The following SPIDR variants were observed in gnomAD, a reference collection of about 807,000 sequenced individuals.
The protein encoded by SPIDR is DNA repair-scaffolding protein.
SPIDR carries 93 observed loss-of-function variants against 104.6 expected under a neutral mutation model. The ratio of observed to expected loss-of-function variants is 0.89; its 90% CI spans 0.75 to 1.06. The LOEUF is 1.06. Ranked by LOEUF, SPIDR falls within the 50% of genes least tolerant of loss-of-function variation. SPIDR has a pLI of 0.00. For missense variants in SPIDR, 1,154 were observed against 1,111.2 expected, an observed-to-expected ratio of 1.04 and a Z score of -0.55; for synonymous variants, 431 against 416.9, an observed-to-expected ratio of 1.03 and a Z score of -0.41.
chr8:47,440,664 G>A, intron 8 of SPIDR, 122 bp downstream of exon 8: 1 of 967,318 alleles, frequency 1.0e-6, no homozygotes, highest in East Asian at 2.6e-5. Context: ...AAGAGAGCCA[G>A]GATTGGACGT....
At chr8:47,381,153 A>G (rs532537975) in intron 5 of SPIDR, among the ~76,000 whole-genome samples, 4 of 152,328 alleles carry the variant, frequency 2.6e-5, no homozygotes, top group African/African-American at 9.6e-5. Flanking sequence ...CTGTGGATAA[A>G]GACTTTGGGT....
At chr8:47,675,688 T>C (rs1440677795) in intron 11 of SPIDR, among the ~76,000 whole-genome samples, 1 of 152,216 alleles carries the variant, frequency 6.6e-6, no homozygotes, top group African/African-American at 2.4e-5. Context: ...TGGTGGCACA[T>C]GCCTGTAGTC....
At chr8:47,512,526 A>T (rs943549955) in intron 8 of SPIDR, among the ~76,000 whole-genome samples, 5 of 152,194 alleles carry the variant, frequency 3.3e-5, no homozygotes, top group African/African-American at 1.2e-4. Flanking sequence ...AGGTTTTAGT[A>T]TAATATGATT....
At chr8:47,726,101 C>T (rs1369290867) in intron 16 of SPIDR, among the ~76,000 whole-genome samples, 1 of 152,266 alleles carries the variant, frequency 6.6e-6, no homozygotes, top group Non-Finnish European at 1.5e-5. Context: ...AATTAGTCAA[C>T]ACTGCTTTCC....
At chr8:47,599,562 T>G (rs2062015973) in intron 10 of SPIDR, among the ~76,000 whole-genome samples, 1 of 152,204 alleles carries the variant, frequency 6.6e-6, no homozygotes, top group African/African-American at 2.4e-5. Flanking sequence ...CTCGAAAACC[T>G]GAGTAAATAA....
chr8:47,410,982 C>T (rs1222775324), intron 7 of SPIDR, among the ~76,000 whole-genome samples: 1 of 152,204 alleles, frequency 6.6e-6, no homozygotes, highest in Non-Finnish European at 1.5e-5. Context: ...CTACAAAGGA[C>T]ATGAACTCAT....
intron 10 of SPIDR, among the ~76,000 whole-genome samples, chr8:47,646,039 A>G (rs79819501): frequency 0.035 from 5,289 of 152,254 alleles, 148 homozygotes; most frequent in Middle Eastern, 0.068. Flanking sequence ...GAGAATATAT[A>G]TGTATGATTT....
chr8:47,380,479 T>C (rs1049170011), intron 5 of SPIDR, among the ~76,000 whole-genome samples: 1 of 152,042 alleles, frequency 6.6e-6, no homozygotes, highest in African/African-American at 2.4e-5. Flanking sequence ...CACTGCCGCC[T>C]TCTCCACCCT....
chr8:47,348,239 T>C (rs1257501769), intron 5 of SPIDR, among the ~76,000 whole-genome samples: 1 of 152,232 alleles, frequency 6.6e-6, no homozygotes, highest in Non-Finnish European at 1.5e-5. Context: ...AATTCTGGGT[T>C]GAAAATTCTT....
intron 5 of SPIDR, among the ~76,000 whole-genome samples, chr8:47,356,466 A>T (rs1255622569): frequency 6.6e-6 from 1 of 152,204 alleles, no homozygotes; most frequent in Non-Finnish European, 1.5e-5. Flanking sequence ...ATTTGCAACC[A>T]TGGGAAGAAT....
chr8:47,653,982 C>T, intron 10 of SPIDR: 1 of 1,264,876 alleles, frequency 7.9e-7, no homozygotes, highest in East Asian at 5.7e-5. Flanking sequence ...AAAAATGATA[C>T]TTAGATGAGT....
rs587671715 is a variant in SPIDR at position 47,311,988 on chromosome 8, C to G, written c.525+17958C>G. The stretch of plus-strand genomic sequence containing the variant: ...TGCGGTGTTTGGTTTTTTGTCCTTG[C>G]GATAGTTTGCTGAGAATGATGGTTT... On this transcript the variant is annotated intron_variant, in intron 5 of 19. Transcript: ENST00000297423. Among the ~76,000 whole-genome samples, 673 of 152,064 alleles carry G rather than the reference C, an allele frequency of 4.4e-3. 7 individuals carry two copies. The highest frequency in any genetic ancestry group is 0.014 in the Middle Eastern group (4 of 294).
At chr8:47,398,718 CTT>C (rs1671544582) in intron 6 of SPIDR, among the ~76,000 whole-genome samples, 1 of 152,200 alleles carries the variant, frequency 6.6e-6, no homozygotes, top group South Asian at 2.1e-4. Flanking sequence ...GTGTCCAGAT[CTT>C]TTGAAGCATG....
intron 16 of SPIDR, among the ~76,000 whole-genome samples, chr8:47,723,929 A>G (rs745615948): frequency 1.3e-5 from 2 of 151,426 alleles, no homozygotes; most frequent in Admixed American, 6.6e-5. Context: ...CTTACTCAAA[A>G]GGTATAATCA....
chr8:47,488,065 G>A (rs573408593), intron 8 of SPIDR, among the ~76,000 whole-genome samples: 4 of 152,206 alleles, frequency 2.6e-5, no homozygotes, highest in East Asian at 1.9e-4. Context: ...ATGAATCCAC[G>A]AGCTGGTTTT....
At chr8:47,435,328 G>C (rs1203050487) in intron 7 of SPIDR, among the ~76,000 whole-genome samples, 3 of 140,676 alleles carry the variant, frequency 2.1e-5, no homozygotes, top group East Asian at 2.0e-4. Context: ...GCTCAGATCT[G>C]TGTGTGTGTG....
At chr8:47,335,262 C>A (rs1193176625) in intron 5 of SPIDR, among the ~76,000 whole-genome samples, 1 of 152,090 alleles carries the variant, frequency 6.6e-6, no homozygotes, top group Non-Finnish European at 1.5e-5. Flanking sequence ...TTTCTTTCTT[C>A]TGTAGAACTT....
chr8:47,261,319 C>G (rs1342500605), intron 1 of SPIDR, among the ~76,000 whole-genome samples: 1 of 152,212 alleles, frequency 6.6e-6, no homozygotes, highest in Admixed American at 6.5e-5. Flanking sequence ...CTTTTTGATT[C>G]TGGTGTAATG....
At chr8:47,488,440 C>T (rs1400665867) in intron 8 of SPIDR, among the ~76,000 whole-genome samples, 2 of 152,176 alleles carry the variant, frequency 1.3e-5, no homozygotes, top group East Asian at 1.9e-4. Flanking sequence ...GGAGCTGGTA[C>T]CATTCCTTCT....
Sources: gnomAD v4.1 joint callset for allele counts (sites outside exome capture counted in the v4.1 genomes callset) on GRCh38, gnomAD v4.1.1 for gene constraint, MANE v1.5 for transcripts, NCBI Gene and HGNC (gene_info 2026-07-23, HGNC 2026-07-21) for gene names.